The following TMEFF2 variants were observed in gnomAD, a reference collection of about 807,000 sequenced individuals.
TMEFF2 encodes the protein tomoregulin-2.
A neutral mutation model predicts 53.8 loss-of-function variants in TMEFF2; 28 were observed. The observed-to-expected ratio is 0.52, with a 90% CI of 0.39 to 0.71. TMEFF2 has a LOEUF of 0.71. Among genes scored for constraint, TMEFF2 ranks in the 30% least tolerant of loss-of-function variants. The probability of loss-of-function intolerance (pLI) is 0.00; values close to 1 mark genes in which losing one functional copy is unlikely to be tolerated. For synonymous variants in TMEFF2, 162 were observed against 166.3 expected (o/e 0.97, Z 0.20); for missense variants, 353 against 455.2 (o/e 0.78, Z 2.04).
At chr2:192,087,049 T>C (rs892971841) in intron 4 of TMEFF2, among the ~76,000 whole-genome samples, 4 of 150,282 alleles carry the variant, frequency 2.7e-5, no homozygotes, top group South Asian at 4.2e-4. Context: ...ATATATTTAT[T>C]GTAAATATTG....
At chr2:192,023,158 G>C (rs750875514) in intron 5 of TMEFF2, among the ~76,000 whole-genome samples, 5 of 152,136 alleles carry the variant, frequency 3.3e-5, no homozygotes, top group Admixed American at 6.5e-5. Flanking sequence ...TTGGCAGGTT[G>C]ATGGACAAAG....
chr2:192,174,552 C>T (rs1243690087), intron 4 of TMEFF2, among the ~76,000 whole-genome samples: 2 of 151,604 alleles, frequency 1.3e-5, no homozygotes, highest in Non-Finnish European at 3.0e-5. Flanking sequence ...GGATTTCAAC[C>T]TAAGAAGAGC....
chr2:192,033,595 C>T (rs1392069892), intron 5 of TMEFF2, among the ~76,000 whole-genome samples: 1 of 149,876 alleles, frequency 6.7e-6, no homozygotes, highest in Non-Finnish European at 1.5e-5. Flanking sequence ...ATAAGTCTCT[C>T]CATACATCCA....
intron 5 of TMEFF2, among the ~76,000 whole-genome samples, chr2:192,004,654 GAAAA>G (rs1412179308): frequency 1.3e-5 from 2 of 151,712 alleles, no homozygotes; most frequent in African/African-American, 4.8e-5. Context: ...GATTAAAAAA[GAAAA>G]AGAAAAAAGG....
At chr2:192,022,751 G>A (rs1686885608) in intron 5 of TMEFF2, among the ~76,000 whole-genome samples, 1 of 151,754 alleles carries the variant, frequency 6.6e-6, no homozygotes, top group East Asian at 1.9e-4. Context: ...GGATTTACTT[G>A]GACTCAGGAA....
intron 4 of TMEFF2, among the ~76,000 whole-genome samples, chr2:192,061,305 T>G (rs1688037677): frequency 6.6e-6 from 1 of 152,156 alleles, no homozygotes; most frequent in African/African-American, 2.4e-5. Context: ...CATCAATATC[T>G]GCTGGTTCCC....
intron 5 of TMEFF2, among the ~76,000 whole-genome samples, chr2:192,033,323 T>G (rs1260492930): frequency 6.6e-6 from 1 of 152,342 alleles, no homozygotes; most frequent in Middle Eastern, 3.4e-3. Flanking sequence ...AGTTATTACG[T>G]ATATTCCTAA....
In TMEFF2 at chr2:191,956,263, T is replaced by G; in HGVS notation, c.861A>C (p.Pro287=). Residue 287 remains proline (P), a synonymous_variant, in exon 8 of 10, where the codon CCA becomes CCC. Coordinates refer to ENST00000272771, the MANE Select transcript of TMEFF2 (RefSeq NM_016192.4). The stretch of plus-strand genomic sequence containing the variant: ...GCGAGTAAAAATGTTACCTGCAAGA[T>G]GGCTCCTGCATATTGATAGAATGCT... The part of the protein sequence containing the change: ...KCEHSINMQE[P]SCRCDAGYTG... The G allele has an allele frequency of 6.2e-7, 1 of 1,608,710 alleles. No homozygotes were observed. Among genetic ancestry groups the G allele is most frequent in the Non-Finnish European group, 8.5e-7 (1 of 1,178,332 alleles).
At chr2:191,993,050 C>T (rs749674421) in intron 7 of TMEFF2, among the ~76,000 whole-genome samples, 66 of 152,140 alleles carry the variant, frequency 4.3e-4, no homozygotes, top group Non-Finnish European at 7.8e-4. Context: ...CTCCCTGAAC[C>T]TCATATCTCA....
chr2:191,998,951 A>C (rs1431023023), intron 6 of TMEFF2, 109 bp downstream of exon 6: 1 of 1,128,974 alleles, frequency 8.9e-7, no homozygotes, highest in African/African-American at 1.6e-5. Flanking sequence ...GTAAATAAGC[A>C]CTGCATTTTG....
intron 8 of TMEFF2, among the ~76,000 whole-genome samples, chr2:191,954,902 AT>A (rs1386400884): frequency 4.6e-5 from 7 of 152,078 alleles, no homozygotes; most frequent in Non-Finnish European, 2.9e-5. Flanking sequence ...GGATCAACAT[AT>A]CATTGATTTT....
At chr2:192,049,172 T>TGTGTGTGC (rs1303003117) in intron 5 of TMEFF2, among the ~76,000 whole-genome samples, 1 of 151,918 alleles carries the variant, frequency 6.6e-6, no homozygotes, top group Non-Finnish European at 1.5e-5. Flanking sequence ...TGTGTGTGTG[T>TGTGTGTGC]GCATACTCAC....
chr2:192,145,147 A>G (rs1018082817), intron 4 of TMEFF2, among the ~76,000 whole-genome samples: 3 of 152,012 alleles, frequency 2.0e-5, no homozygotes, highest in African/African-American at 7.2e-5. Flanking sequence ...ATATAACAAT[A>G]TCTTACATTA....
chr2:192,133,333 C>T (rs1036071475), intron 4 of TMEFF2, among the ~76,000 whole-genome samples: 5 of 152,090 alleles, frequency 3.3e-5, no homozygotes, highest in African/African-American at 7.2e-5. Context: ...CTACTCCTTC[C>T]TTGGTGACCG....
At chr2:192,002,298 G>A (rs1686384045) in intron 5 of TMEFF2, among the ~76,000 whole-genome samples, 1 of 152,122 alleles carries the variant, frequency 6.6e-6, no homozygotes. Flanking sequence ...TGGGATATAA[G>A]CTTCAGGAAT....
At chr2:192,082,556 A>G (rs926064674) in intron 4 of TMEFF2, among the ~76,000 whole-genome samples, 3 of 152,170 alleles carry the variant, frequency 2.0e-5, no homozygotes, top group Admixed American at 2.0e-4. Flanking sequence ...CATGTGTATC[A>G]TAAGGCTATT....
intron 5 of TMEFF2, among the ~76,000 whole-genome samples, chr2:192,021,552 A>G (rs537264253): frequency 6.6e-6 from 1 of 152,236 alleles, no homozygotes; most frequent in East Asian, 1.9e-4. Context: ...CCTGAGAGCA[A>G]TTTAAAGAAT....
intron 4 of TMEFF2, among the ~76,000 whole-genome samples, chr2:192,124,838 C>T (rs72918167): frequency 7.9e-5 from 12 of 152,270 alleles, no homozygotes; most frequent in Non-Finnish European, 1.6e-4. Context: ...AAGGGTGCCT[C>T]ATTTCCATAA....
chr2:192,114,064 T>TTTTG (rs1553521172), intron 4 of TMEFF2, among the ~76,000 whole-genome samples: 1 of 143,060 alleles, frequency 7.0e-6, no homozygotes, highest in Non-Finnish European at 1.5e-5. Context: ...AATCTGGAAA[T>TTTTG]TGTGTGTGTG....
Sources: gnomAD v4.1 joint callset for allele counts (sites outside exome capture counted in the v4.1 genomes callset) on GRCh38, gnomAD v4.1.1 for gene constraint, MANE v1.5 for transcripts, NCBI Gene and HGNC (gene_info 2026-07-23, HGNC 2026-07-21) for gene names.